The following INPP4B variants were observed in gnomAD, a reference collection of about 807,000 sequenced individuals.
INPP4B encodes the protein inositol polyphosphate 4-phosphatase type II.
In INPP4B, 55 loss-of-function variants were observed where a neutral mutation model predicts 122.5. The ratio of observed to expected loss-of-function variants is 0.45; its 90% confidence interval spans 0.36 to 0.56. INPP4B has a LOEUF of 0.56. Ranked by LOEUF, INPP4B falls within the 20% of genes least tolerant of loss-of-function variation. The pLI, the probability that INPP4B is intolerant of heterozygous loss-of-function variation, is 0.00. For missense variants in INPP4B, 1,000 were observed against 1,097.7 expected (o/e 0.91, Z 1.26); for synonymous variants, 403 against 388.7 (o/e 1.04, Z -0.43).
At chr4:142,322,542 C>A (rs1182560026) in intron 7 of INPP4B, among the ~76,000 whole-genome samples, 1 of 152,108 alleles carries the variant, frequency 6.6e-6, no homozygotes, top group East Asian at 1.9e-4. Context: ...TAAGAAGTGA[C>A]AACTACCCAG....
chr4:142,305,830 T>A, intron 8 of INPP4B: 1 of 1,144,040 alleles, frequency 8.7e-7, no homozygotes, highest in Non-Finnish European at 1.1e-6. Flanking sequence ...TTTCTCTGCA[T>A]ATGAAAACTG....
At chr4:142,261,404 T>G (rs1470983805) in intron 10 of INPP4B, among the ~76,000 whole-genome samples, 1 of 152,152 alleles carries the variant, frequency 6.6e-6, no homozygotes, top group Non-Finnish European at 1.5e-5. Context: ...TATGGGGGTG[T>G]GAGTGGGGAC....
chr4:142,754,127 G>C (rs1377512533), intron 1 of INPP4B, among the ~76,000 whole-genome samples: 1 of 151,984 alleles, frequency 6.6e-6, no homozygotes, highest in East Asian at 1.9e-4. Flanking sequence ...TTCCAAACTT[G>C]CTGATCTGGA....
chr4:142,116,943 T>C (rs1793869891), intron 21 of INPP4B, among the ~76,000 whole-genome samples: 1 of 151,058 alleles, frequency 6.6e-6, no homozygotes, highest in South Asian at 2.1e-4. Flanking sequence ...AAAGAGAAAA[T>C]AAACAAATAG....
intron 17 of INPP4B, among the ~76,000 whole-genome samples, chr4:142,154,438 C>T (rs1220709012): frequency 6.6e-6 from 1 of 152,068 alleles, no homozygotes; most frequent in Non-Finnish European, 1.5e-5. Flanking sequence ...TTGAATTTTA[C>T]CACTTTCTAT....
intron 5 of INPP4B, among the ~76,000 whole-genome samples, chr4:142,410,731 T>C (rs1339450234): frequency 6.6e-6 from 1 of 152,204 alleles, no homozygotes; most frequent in Non-Finnish European, 1.5e-5. Flanking sequence ...TAAAAGAATG[T>C]ACTTCATAAA....
chr4:142,771,988 G>T (rs1773143737), intron 1 of INPP4B, among the ~76,000 whole-genome samples: 1 of 152,044 alleles, frequency 6.6e-6, no homozygotes, highest in Non-Finnish European at 1.5e-5. Flanking sequence ...GTTGTAAATG[G>T]ACTTTTACTT....
chr4:142,782,146 C>A (rs1774945467), intron 1 of INPP4B, among the ~76,000 whole-genome samples: 1 of 151,944 alleles, frequency 6.6e-6, no homozygotes, highest in Non-Finnish European at 1.5e-5. Context: ...CCACACCCCA[C>A]AACAGTCCCC....
intron 2 of INPP4B, among the ~76,000 whole-genome samples, chr4:142,473,959 G>A (rs1019745083): frequency 5.9e-5 from 9 of 151,556 alleles, no homozygotes; most frequent in African/African-American, 1.2e-4. Context: ...CTAGTTTCTG[G>A]TCTAGTGCTC....
intron 2 of INPP4B, among the ~76,000 whole-genome samples, chr4:142,528,730 T>G (rs1284041295): frequency 2.0e-5 from 3 of 152,090 alleles, no homozygotes; most frequent in Non-Finnish European, 2.9e-5. Flanking sequence ...AAAGCACTTG[T>G]GTGACCGTGT....
At chr4:142,282,543 T>G (rs748287382) in intron 9 of INPP4B, among the ~76,000 whole-genome samples, 3 of 152,150 alleles carry the variant, frequency 2.0e-5, no homozygotes, top group Non-Finnish European at 2.9e-5. Flanking sequence ...GAATGCAGTC[T>G]TAGAAAAATC....
At position 142,028,983 on chromosome 4, in the gene INPP4B, G is replaced by A. The variant is rs1206457830; in HGVS notation, c.2643-69C>T. The A allele has an allele frequency of 2.6e-6, 4 of 1,518,062 alleles. No individual in the cohort carries two copies. The East Asian group carries it at 7.0e-5, about 26-fold the overall frequency. 94.0% of individuals were successfully genotyped at this position (1,518,062 alleles called of 1,614,324 possible). A position where few individuals can be genotyped will look rare whatever the true frequency, so the allele number is the denominator to read the frequency against. On this transcript the variant is annotated intron_variant, in intron 25 of 25. Coordinates refer to ENST00000262992, the MANE Select transcript of INPP4B (RefSeq NM_001101669.3). ...AATAAATATGCTTTATTTGTTTAATGCAGAGTTGCAGCAACCATCCAAGTA... is the reference window on the plus strand; with the variant it reads ...AATAAATATGCTTTATTTGTTTAATACAGAGTTGCAGCAACCATCCAAGTA...
chr4:142,612,364 A>G (rs1742732371), intron 2 of INPP4B, among the ~76,000 whole-genome samples: 1 of 152,242 alleles, frequency 6.6e-6, no homozygotes, highest in African/African-American at 2.4e-5. Flanking sequence ...TATTTAACAC[A>G]TAGTGTGTAG....
At chr4:142,803,186 AG>A (rs368778640) in intron 1 of INPP4B, among the ~76,000 whole-genome samples, 32,742 of 134,900 alleles carry the variant, frequency 0.24, 3,953 homozygotes, top group South Asian at 0.33. Flanking sequence ...AAAAAAAAAA[AG>A]AAAGAAAGAA....
intron 25 of INPP4B, among the ~76,000 whole-genome samples, chr4:142,034,267 T>A (rs1742373063): frequency 6.6e-6 from 1 of 152,108 alleles, no homozygotes; most frequent in Non-Finnish European, 1.5e-5. Flanking sequence ...GATTGTTGGT[T>A]GTCATAACTA....
intron 7 of INPP4B, among the ~76,000 whole-genome samples, chr4:142,374,996 C>T (rs1346561767): frequency 6.6e-6 from 1 of 151,914 alleles, no homozygotes; most frequent in Non-Finnish European, 1.5e-5. Flanking sequence ...ACACCCTAAA[C>T]TAATACAACC....
intron 7 of INPP4B, among the ~76,000 whole-genome samples, chr4:142,375,678 C>G (rs1328767472): frequency 1.3e-5 from 2 of 151,940 alleles, no homozygotes; most frequent in Admixed American, 1.3e-4. Flanking sequence ...TACTCCTTTC[C>G]CCTTTGCTTC....
intron 2 of INPP4B, among the ~76,000 whole-genome samples, chr4:142,534,345 T>G (rs559385638): frequency 6.6e-6 from 1 of 152,234 alleles, no homozygotes; most frequent in East Asian, 1.9e-4. Context: ...ATGTTGCCTT[T>G]GGGATGTGAC....
intron 2 of INPP4B, among the ~76,000 whole-genome samples, chr4:142,635,027 C>T (rs1456645947): frequency 1.3e-5 from 2 of 151,814 alleles, no homozygotes; most frequent in Non-Finnish European, 2.9e-5. Context: ...AAAAACAACC[C>T]CATTCAAAAG....
Sources: gnomAD v4.1 joint callset for allele counts (sites outside exome capture counted in the v4.1 genomes callset) on GRCh38, gnomAD v4.1.1 for gene constraint, MANE v1.5 for transcripts, NCBI Gene and HGNC (gene_info 2026-07-23, HGNC 2026-07-21) for gene names.